The following MYRIP variants were observed in gnomAD, a reference collection of about 807,000 sequenced individuals.
The protein encoded by MYRIP is rab effector MyRIP.
In MYRIP, 49 loss-of-function variants were observed where a neutral mutation model predicts 98.0. That is an observed-to-expected ratio of 0.50 (90% CI 0.40 to 0.63). The LOEUF is 0.63. Ranked by LOEUF, MYRIP falls within the 30% of genes least tolerant of loss-of-function variation. The pLI, the probability that MYRIP is intolerant of heterozygous loss-of-function variation, is 0.00. For missense variants in MYRIP, 1,004 were observed against 1,058.2 expected (o/e 0.95, Z 0.71); for synonymous variants, 404 against 409.5 (o/e 0.99, Z 0.16).
At chr3:40,055,023 T>A (rs917160791) in intron 3 of MYRIP, among the ~76,000 whole-genome samples, 2 of 152,326 alleles carry the variant, frequency 1.3e-5, no homozygotes, top group South Asian at 4.1e-4. Context: ...AGCTCTGTTT[T>A]CTTTTAACAG....
chr3:39,951,202 T>C (rs1287171269), intron 2 of MYRIP, among the ~76,000 whole-genome samples: 2 of 152,166 alleles, frequency 1.3e-5, no homozygotes, highest in Non-Finnish European at 1.5e-5. Context: ...TGTATTAAAA[T>C]AAAACTCAAA....
chr3:39,997,861 G>A (rs1201051823), intron 2 of MYRIP, among the ~76,000 whole-genome samples: 3 of 152,008 alleles, frequency 2.0e-5, no homozygotes, highest in African/African-American at 4.8e-5. Context: ...TCATCCCTGC[G>A]ATGCAAGCCT....
chr3:40,135,959 G>A (rs1949755878), intron 3 of MYRIP, among the ~76,000 whole-genome samples: 1 of 152,184 alleles, frequency 6.6e-6, no homozygotes. Context: ...TCAAGGCTAG[G>A]AAGAAACTGC....
At chr3:39,871,855 T>A (rs937145923) in intron 1 of MYRIP, among the ~76,000 whole-genome samples, 1 of 152,016 alleles carries the variant, frequency 6.6e-6, no homozygotes, top group Admixed American at 6.6e-5. Flanking sequence ...ATGAAGAGAA[T>A]AATAATAAAC....
At position 40,034,232 on chromosome 3, in the gene MYRIP, G is replaced by T. The variant is rs1183839728; in HGVS notation, c.111-9818G>T. On this transcript the variant is annotated intron_variant, in intron 2 of 16. Transcript: ENST00000302541. ...CCAAAATTGACAAATGGGATCTAATGAAACTAAAGAGCTTCTGCACAGCAA... is the reference window on the plus strand; with the variant it reads ...CCAAAATTGACAAATGGGATCTAATTAAACTAAAGAGCTTCTGCACAGCAA... Among the ~76,000 whole-genome samples the T allele has an allele frequency of 5.7e-4, 86 of 151,892 alleles. 1 individual carries two copies. The highest frequency in any genetic ancestry group is 1.9e-3 in the East Asian group (10 of 5,154).
chr3:40,092,590 G>C (rs1948752044), intron 3 of MYRIP, among the ~76,000 whole-genome samples: 1 of 152,164 alleles, frequency 6.6e-6, no homozygotes, highest in African/African-American at 2.4e-5. Flanking sequence ...GAAGGTGAAG[G>C]TTCTTAAAGT....
At chr3:40,187,601 T>C (rs1951073251) in intron 9 of MYRIP, among the ~76,000 whole-genome samples, 1 of 152,180 alleles carries the variant, frequency 6.6e-6, no homozygotes, top group Non-Finnish European at 1.5e-5. Flanking sequence ...TGAGTGGGGC[T>C]TCCTCCCGGA....
At chr3:39,947,629 G>C (rs1029547378) in intron 2 of MYRIP, among the ~76,000 whole-genome samples, 3 of 152,118 alleles carry the variant, frequency 2.0e-5, no homozygotes, top group Non-Finnish European at 2.9e-5. Flanking sequence ...CTCACTGGGT[G>C]TGGTGGTGCA....
In MYRIP at chr3:40,239,319, T is replaced by C. The variant is rs1952925484; in HGVS notation, c.2101-5127T>C. 2.0e-5 allele frequency among the ~76,000 whole-genome samples: 3 copies of C among 151,134 alleles called. No homozygotes were observed. The South Asian group carries it at 6.2e-4, about 31-fold the overall frequency. On this transcript the variant is annotated intron_variant, in intron 12 of 16. Transcript: ENST00000302541. ...ATCCAGTCTATCATTGTTGGACATT[T>C]GGGTTGGTTCCAAGTCCTTGCTATT...
chr3:40,133,270 C>A (rs2679802), intron 3 of MYRIP, among the ~76,000 whole-genome samples: 126,660 of 152,190 alleles, frequency 0.83, 52,664 homozygotes, highest in South Asian at 0.88. Context: ...GAAAGATAAG[C>A]GCTTAAGAGG....
Position 40,250,265 on chromosome 3 carries a change from G to A in MYRIP, c.2306G>A (p.Gly769Glu), listed in dbSNP as rs762048286. The A allele has an allele frequency of 1.2e-6, 2 of 1,614,132 alleles. No individual in the cohort carries two copies. The highest frequency in any genetic ancestry group is 1.7e-6 in the Non-Finnish European group (2 of 1,180,002). The part of the protein sequence containing the change: ...ESRISALTIA[G>E]LNIAPCVRFT... ...CGGATTTCAGCCCTGACCATTGCAGGATTAAACATAGCACCATGTGTGCGC... is the reference window on the plus strand; with the variant it reads ...CGGATTTCAGCCCTGACCATTGCAGAATTAAACATAGCACCATGTGTGCGC... The change falls in exon 14 of 17, where the codon GGA becomes GAA. Residue 769 changes from glycine to glutamate, a missense_variant. Gly to Glu is a moderately conservative substitution (Grantham distance 98). Around this residue, in one of 3 missense-constraint regions of MYRIP, gnomAD observed 108 missense variants for 111.1 expected, o/e 0.97. Transcript: ENST00000302541.
chr3:40,060,673 C>A (rs937207086), intron 3 of MYRIP, among the ~76,000 whole-genome samples: 7 of 148,702 alleles, frequency 4.7e-5, no homozygotes, highest in African/African-American at 1.7e-4. Context: ...CTCACTGCAA[C>A]CTCCACCTCC....
chr3:40,058,266 T>C (rs1642974213), intron 3 of MYRIP, among the ~76,000 whole-genome samples: 1 of 152,184 alleles, frequency 6.6e-6, no homozygotes, highest in South Asian at 2.1e-4. Context: ...CATAGGATCA[T>C]ACAGTGAATG....
intron 2 of MYRIP, among the ~76,000 whole-genome samples, chr3:40,023,817 C>T (rs2125809878): frequency 6.6e-6 from 1 of 152,206 alleles, no homozygotes; most frequent in South Asian, 2.1e-4. Context: ...GGAACTAAGG[C>T]AACTGTTTTT....
At chr3:39,935,525 C>G (rs1375596484) in intron 2 of MYRIP, among the ~76,000 whole-genome samples, 1 of 152,114 alleles carries the variant, frequency 6.6e-6, no homozygotes, top group Non-Finnish European at 1.5e-5. Context: ...GTCTGGCATT[C>G]CACTGAGGAC....
chr3:40,016,430 T>C (rs1946862828), intron 2 of MYRIP, among the ~76,000 whole-genome samples: 1 of 152,072 alleles, frequency 6.6e-6, no homozygotes. Context: ...TTTTCCCAAT[T>C]TGGAGGCAAG....
At chr3:39,907,706 A>C (rs775853104) in intron 2 of MYRIP, among the ~76,000 whole-genome samples, 2 of 152,194 alleles carry the variant, frequency 1.3e-5, no homozygotes, top group Non-Finnish European at 2.9e-5. Context: ...TTGAGAGCTA[A>C]AAGAGAGCCA....
At chr3:40,166,033 C>T (rs146206250) in intron 5 of MYRIP, among the ~76,000 whole-genome samples, 92 of 152,264 alleles carry the variant, frequency 6.0e-4, no homozygotes, top group African/African-American at 2.2e-3. Flanking sequence ...CACCTACTTA[C>T]CACTGGATTT....
chr3:40,061,083 T>C (rs1948004552), intron 3 of MYRIP, among the ~76,000 whole-genome samples: 1 of 152,204 alleles, frequency 6.6e-6, no homozygotes, highest in African/African-American at 2.4e-5. Context: ...TTTGTGTTCA[T>C]TTTTAACTTT....
Sources: gnomAD v4.1 joint callset for allele counts (sites outside exome capture counted in the v4.1 genomes callset) on GRCh38, gnomAD v4.1.1 for gene constraint, gnomAD v4.1.1 regional missense constraint, MANE v1.5 for transcripts, NCBI Gene and HGNC (gene_info 2026-07-23, HGNC 2026-07-21) for gene names.